DRC4: variants seen among roughly 807,000 people sequenced by gnomAD.
DRC4 encodes dynein regulatory complex subunit 4.
chr16:90,029,792 T>C, the DRC4 span: 1 of 179,448 alleles, frequency 5.6e-6, no homozygotes, highest in Non-Finnish European at 1.3e-5. Flanking sequence ...AATCTCGCTG[T>C]GTGGCCCAGG....
the DRC4 span, chr16:90,032,681 G>T: frequency 6.3e-7 from 1 of 1,592,998 alleles, no homozygotes; most frequent in Non-Finnish European, 8.6e-7. Flanking sequence ...AGGAGGTGTG[G>T]TGCAGGTGAG....
At chr16:90,040,240 C>T in the DRC4 span, 1 of 1,496,296 alleles carries the variant, frequency 6.7e-7, no homozygotes, top group Non-Finnish European at 9.1e-7. Context: ...GCAGCATCTT[C>T]CCAGCGAGAT....
At chr16:90,042,624 G>A in the DRC4 span, 11 of 1,090,392 alleles carry the variant, frequency 1.0e-5, no homozygotes, top group African/African-American at 1.5e-4. Flanking sequence ...CCCCACCTGT[G>A]CCCACTTCGT....
chr16:90,031,964 G>A, the DRC4 span, among the ~76,000 whole-genome samples: 3 of 151,938 alleles, frequency 2.0e-5, no homozygotes, highest in South Asian at 2.1e-4. Context: ...AGGTGAGCAC[G>A]TGGGGCAGGT....
At chr16:90,043,404 C>G in the DRC4 span, 2 of 1,484,450 alleles carry the variant, frequency 1.3e-6, no homozygotes, top group Non-Finnish European at 1.8e-6. Context: ...GGGATGACAC[C>G]CCTTATCACA....
At chr16:90,031,294 G>A in the DRC4 span, 2 of 1,611,760 alleles carry the variant, frequency 1.2e-6, no homozygotes, top group Non-Finnish European at 1.7e-6. Context: ...ACTGCACCTG[G>A]CCAGGTGGAG....
chr16:90,043,387 A>G, the DRC4 span: 1 of 1,570,730 alleles, frequency 6.4e-7, no homozygotes, highest in Non-Finnish European at 8.6e-7. Flanking sequence ...CCAGCCTAGG[A>G]ACACTCGGGA....
chr16:90,042,363 G>T, the DRC4 span: 2 of 844,206 alleles, frequency 2.4e-6, no homozygotes, highest in East Asian at 2.5e-5. Context: ...ATCAAACCAG[G>T]CTGCTATTCG....
chr16:90,031,479 C>G, the DRC4 span: 1 of 1,568,950 alleles, frequency 6.4e-7, no homozygotes, highest in Non-Finnish European at 8.6e-7. Flanking sequence ...CGAGGAGAGG[C>G]ACCAGGTGGA....
the DRC4 span, chr16:90,037,843 A>C: frequency 2.0e-5 from 33 of 1,613,760 alleles, no homozygotes; most frequent in Non-Finnish European, 1.4e-5. Context: ...GCAGCGATTC[A>C]CCAAGGTGAG....
At chr16:90,031,520 G>T in the DRC4 span, 15 of 1,541,340 alleles carry the variant, frequency 9.7e-6, no homozygotes, top group Non-Finnish European at 1.1e-5. Context: ...GCCTGCACGT[G>T]CTAACCTGGT....
At chr16:90,022,746 G>C in the DRC4 span, 3 of 1,397,880 alleles carry the variant, frequency 2.1e-6, no homozygotes, top group African/African-American at 4.5e-5. Flanking sequence ...CGGGAGCGGG[G>C]CTGGGGTCCT....
At chr16:90,038,661 C>T in the DRC4 span, among the ~76,000 whole-genome samples, 2 of 152,120 alleles carry the variant, frequency 1.3e-5, no homozygotes, top group Non-Finnish European at 2.9e-5. Flanking sequence ...TGCCAGGGTG[C>T]GGAGGGGCCG....
At chr16:90,022,748 T>A in the DRC4 span, 1 of 1,391,820 alleles carries the variant, frequency 7.2e-7, no homozygotes, top group Non-Finnish European at 9.4e-7. Flanking sequence ...GGAGCGGGGC[T>A]GGGGTCCTCG....
At chr16:90,026,270 T>A in the DRC4 span, among the ~76,000 whole-genome samples, 1 of 152,164 alleles carries the variant, frequency 6.6e-6, no homozygotes, top group Non-Finnish European at 1.5e-5. Context: ...CCTGGTGTCA[T>A]GCGTGGTTTC....
chr16:90,029,076 C>T, the DRC4 span: 150,228 of 1,252,710 alleles, frequency 0.12, 13,213 homozygotes, highest in East Asian at 0.65. Flanking sequence ...AGCTGCTGCC[C>T]GTCTCCCTGT....
chr16:90,022,362 T>C, the DRC4 span, among the ~76,000 whole-genome samples: 2 of 152,286 alleles, frequency 1.3e-5, no homozygotes, highest in South Asian at 2.1e-4. Context: ...ATTCCTTCAA[T>C]GGTCCTTCAT....
chr16:90,039,130 G>A, the DRC4 span, among the ~76,000 whole-genome samples: 1 of 152,236 alleles, frequency 6.6e-6, no homozygotes, highest in Non-Finnish European at 1.5e-5. Context: ...AAGGTAGTCA[G>A]TGAGATCCTG....
chr16:90,035,707 A>G, the DRC4 span: 10 of 1,614,186 alleles, frequency 6.2e-6, no homozygotes, highest in Non-Finnish European at 8.5e-6. Context: ...CCGTGTGCTC[A>G]TTGTGTAGGT....
Sources: gnomAD v4.1 joint callset for allele counts (sites outside exome capture counted in the v4.1 genomes callset) on GRCh38, gnomAD v4.1.1 for gene constraint, MANE v1.5 for transcripts, NCBI Gene and HGNC (gene_info 2026-07-23, HGNC 2026-07-21) for gene names.